Variants in MPP7 observed in about 807,000 individuals in gnomAD.
MPP7 encodes the protein MAGUK p55 scaffold protein 7.
In MPP7, 60 loss-of-function variants were observed where a neutral mutation model predicts 76.5. The ratio of observed to expected loss-of-function variants is 0.78; its 90% CI spans 0.64 to 0.97. The LOEUF (loss-of-function observed/expected upper bound fraction) is 0.97. Among genes scored for constraint, MPP7 ranks in the 50% least tolerant of loss-of-function variants. The pLI, the probability that MPP7 is intolerant of heterozygous loss-of-function variation, is 0.00. For synonymous variants in MPP7, 237 were observed against 244.5 expected (o/e 0.97, Z 0.29); for missense variants, 641 against 694.0 (o/e 0.92, Z 0.86).
intron 1 of MPP7, among the ~76,000 whole-genome samples, chr10:28,251,592 T>C (rs1162299142): frequency 1.3e-5 from 2 of 152,210 alleles, no homozygotes; most frequent in African/African-American, 4.8e-5. Flanking sequence ...CCAATCAATC[T>C]ACTGTAAAAT....
At chr10:28,175,960 C>A (rs1388611622) in intron 3 of MPP7, among the ~76,000 whole-genome samples, 1 of 152,022 alleles carries the variant, frequency 6.6e-6, no homozygotes, top group Non-Finnish European at 1.5e-5. Context: ...TCTAGCAATG[C>A]AGGTCAAATA....
At chr10:28,110,791 T>A (rs948943027) in intron 11 of MPP7, among the ~76,000 whole-genome samples, 1 of 152,188 alleles carries the variant, frequency 6.6e-6, no homozygotes, top group Non-Finnish European at 1.5e-5. Flanking sequence ...TTCCCCTAGA[T>A]CCTACATCAA....
intron 3 of MPP7, among the ~76,000 whole-genome samples, chr10:28,150,384 A>G (rs995931864): frequency 2.6e-5 from 4 of 152,204 alleles, no homozygotes; most frequent in African/African-American, 9.6e-5. Flanking sequence ...TGTGATGTCT[A>G]TTATATCTAA....
At chr10:28,317,672 T>C (rs1749501512) in intron 2 of MPP7, among the ~76,000 whole-genome samples, 1 of 152,232 alleles carries the variant, frequency 6.6e-6, no homozygotes, top group African/African-American at 2.4e-5. Context: ...AGTAGTCACA[T>C]GTAATAGTAA....
chr10:28,201,126 C>T (rs1026206909), intron 3 of MPP7, among the ~76,000 whole-genome samples: 3 of 152,088 alleles, frequency 2.0e-5, no homozygotes, highest in African/African-American at 7.2e-5. Context: ...AAGAAATGAA[C>T]AAATAAACAT....
intron 11 of MPP7, among the ~76,000 whole-genome samples, chr10:28,110,932 A>G (rs1320015142): frequency 6.6e-6 from 1 of 152,208 alleles, no homozygotes; most frequent in African/African-American, 2.4e-5. Context: ...AAAAAAATGC[A>G]TATTTCTTTC....
At chr10:28,114,575 C>T (rs1834603386) in intron 11 of MPP7, among the ~76,000 whole-genome samples, 1 of 152,132 alleles carries the variant, frequency 6.6e-6, no homozygotes, top group East Asian at 1.9e-4. Flanking sequence ...ACATGTGTGA[C>T]ACTCCTGACA....
At chr10:28,252,660 C>T (rs554067589) in intron 1 of MPP7, among the ~76,000 whole-genome samples, 2 of 150,098 alleles carry the variant, frequency 1.3e-5, no homozygotes, top group East Asian at 4.1e-4. Context: ...CATACAGAGG[C>T]GTTAAAAGGC....
At chr10:28,273,038 TC>T (rs199737679) in intron 1 of MPP7, among the ~76,000 whole-genome samples, 3,474 of 152,260 alleles carry the variant, frequency 0.023, 138 homozygotes, top group African/African-American at 0.077. Flanking sequence ...TGCCTCAGCC[TC>T]CCCAGTAGCT....
chr10:28,304,664 T>A (rs1312437085), upstream of MPP7, among the ~76,000 whole-genome samples: 3 of 152,230 alleles, frequency 2.0e-5, no homozygotes, highest in South Asian at 4.1e-4. Context: ...AGTTTTGAGA[T>A]CTAATATTTT....
intron 1 of MPP7, among the ~76,000 whole-genome samples, chr10:28,245,168 T>G (rs980352137): frequency 6.6e-6 from 1 of 152,170 alleles, no homozygotes; most frequent in East Asian, 1.9e-4. Context: ...CTCTTTCCTC[T>G]AATTGTTGGG....
intron 3 of MPP7, among the ~76,000 whole-genome samples, chr10:28,152,746 T>C (rs1835923695): frequency 6.6e-6 from 1 of 152,164 alleles, no homozygotes; most frequent in African/African-American, 2.4e-5. Flanking sequence ...ATAATTTCTC[T>C]TTATATCCCA....
Position 28,051,095 on chromosome 10 carries a change from G to A in MPP7, c.*2970C>T, listed in dbSNP as rs956019191. The stretch of plus-strand genomic sequence containing the variant: ...ATAATTTGTTCTACCATGGGAAATA[G>A]TATAATGGAATAGATCACAATAGTA... On this transcript the variant is annotated 3_prime_UTR_variant, in exon 17 of 17. Coordinates refer to ENST00000683449, the MANE Select transcript of MPP7 (RefSeq NM_001318170.2). The A allele has an allele frequency of 6.6e-6, 1 of 152,148 alleles. No homozygotes were observed. The highest frequency in any genetic ancestry group is 2.4e-5 in the African/African-American group (1 of 41,442). The allele number at this position is 152,148 out of a possible 1,614,324, so 9.4% of individuals were successfully genotyped here.
chr10:28,215,349 AT>A (rs908475285), intron 2 of MPP7, among the ~76,000 whole-genome samples: 22 of 152,040 alleles, frequency 1.4e-4, no homozygotes, highest in Non-Finnish European at 1.0e-4. Flanking sequence ...GAAAAAAAAA[AT>A]AAAAGCAAAC....
At chr10:28,088,334 G>A (rs1853119050) in intron 12 of MPP7, among the ~76,000 whole-genome samples, 1 of 152,126 alleles carries the variant, frequency 6.6e-6, no homozygotes, top group Admixed American at 6.6e-5. Flanking sequence ...GCTGGGGGAG[G>A]GACCTGGTGG....
At chr10:28,251,336 C>A (rs544449668) in intron 1 of MPP7, among the ~76,000 whole-genome samples, 1 of 152,134 alleles carries the variant, frequency 6.6e-6, no homozygotes, top group African/African-American at 2.4e-5. Flanking sequence ...GTGGTACATG[C>A]CTGTAGTCCC....
At chr10:28,267,893 G>A (rs899426395) in intron 1 of MPP7, among the ~76,000 whole-genome samples, 4 of 151,832 alleles carry the variant, frequency 2.6e-5, no homozygotes, top group African/African-American at 7.3e-5. Context: ...AAAATTAGCC[G>A]GGCGTGCTGG....
At chr10:28,164,370 C>T (rs1244183388) in intron 3 of MPP7, among the ~76,000 whole-genome samples, 2 of 152,010 alleles carry the variant, frequency 1.3e-5, no homozygotes, top group East Asian at 3.9e-4. Flanking sequence ...TGTTCCAGAA[C>T]TGAAATAGCA....
intron 2 of MPP7, among the ~76,000 whole-genome samples, chr10:28,323,224 G>T (rs1055151471): frequency 1.3e-5 from 2 of 152,092 alleles, no homozygotes; most frequent in Non-Finnish European, 2.9e-5. Flanking sequence ...GGCGGAGCTT[G>T]CAGTGAGCCA....
Sources: gnomAD v4.1 joint callset for allele counts (sites outside exome capture counted in the v4.1 genomes callset) on GRCh38, gnomAD v4.1.1 for gene constraint, MANE v1.5 for transcripts, NCBI Gene and HGNC (gene_info 2026-07-23, HGNC 2026-07-21) for gene names.